HECTD4: variants seen among roughly 807,000 people sequenced by gnomAD.
HECTD4 encodes probable E3 ubiquitin-protein ligase HECTD4.
Under a neutral mutation model 471.5 loss-of-function variants are expected in HECTD4, and 114 were observed. The ratio of observed to expected loss-of-function variants is 0.24; its 90% CI spans 0.21 to 0.28. The LOEUF (loss-of-function observed/expected upper bound fraction) is 0.28. Ranked by LOEUF, HECTD4 falls within the 10% of genes least tolerant of loss-of-function variation. The pLI, the probability that HECTD4 is intolerant of heterozygous loss-of-function variation, is 1.00. For missense variants in HECTD4, 3,866 were observed against 5,651.5 expected (o/e 0.68, Z 10.13); for synonymous variants, 2,012 against 2,256.0 (o/e 0.89, Z 3.07).
chr12:112,233,738 A>G (rs1566081775), intron 37 of HECTD4, among the ~76,000 whole-genome samples: 1 of 152,162 alleles, frequency 6.6e-6, no homozygotes. Context: ...TCTAAACCCC[A>G]AGGAGAGGGA....
intron 1 of HECTD4, among the ~76,000 whole-genome samples, chr12:112,340,143 G>A (rs2036030110): frequency 6.6e-6 from 1 of 152,076 alleles, no homozygotes. Context: ...AAGAACATCT[G>A]TATATGATAT....
intron 34 of HECTD4, 87 bp from the exon 35 acceptor site, chr12:112,237,185 T>C: frequency 1.7e-6 from 2 of 1,188,060 alleles, no homozygotes. Context: ...CCCTGTCCAT[T>C]TATCTTGCTT....
chr12:112,269,310 G>C (rs1405560421), intron 13 of HECTD4, among the ~76,000 whole-genome samples: 2 of 152,044 alleles, frequency 1.3e-5, no homozygotes, highest in South Asian at 4.1e-4. Flanking sequence ...AAGGAAATGC[G>C]AACCTTAAAC....
Position 112,265,381 on chromosome 12 carries a change from C to T in HECTD4, c.2499-86G>A, listed in dbSNP as rs1318598311. ...ATTTTATATAATTAGTATAAGATGA[C>T]AAATAAAAGATACATAATTGATTCT... On this transcript the variant is annotated intron_variant, in intron 15 of 75. Transcript: ENST00000682272. 4.7e-6 allele frequency: 4 copies of T among 844,490 alleles called. No individual in the cohort carries two copies. In the African/African-American group the frequency reaches 5.3e-5, roughly 11 times the overall value. The allele number at this position is 844,490 out of a possible 1,614,324, so 52.3% of individuals were successfully genotyped here. A position where few individuals can be genotyped will look rare whatever the true frequency, so the allele number is the denominator to read the frequency against.
At chr12:112,360,983 T>TAA (rs1339554732) in intron 1 of HECTD4, among the ~76,000 whole-genome samples, 1 of 135,538 alleles carries the variant, frequency 7.4e-6, no homozygotes. Flanking sequence ...AAACTCCGTC[T>TAA]CAAAAAAAAA....
At chr12:112,329,256 C>CT (rs1041037316) in intron 1 of HECTD4, among the ~76,000 whole-genome samples, 2 of 152,030 alleles carry the variant, frequency 1.3e-5, no homozygotes, top group Non-Finnish European at 2.9e-5. Context: ...AACAGTTTCT[C>CT]TGAGTTTTCA....
At chr12:112,301,441 C>CA (rs1172666356) in intron 7 of HECTD4, among the ~76,000 whole-genome samples, 9 of 152,184 alleles carry the variant, frequency 5.9e-5, no homozygotes, top group African/African-American at 2.2e-4. Flanking sequence ...CTCAGCCTCC[C>CA]AAAGTGTTGG....
intron 1 of HECTD4, among the ~76,000 whole-genome samples, chr12:112,367,306 A>AAAAG (rs3031822): frequency 0.021 from 2,750 of 133,848 alleles, 79 homozygotes; most frequent in South Asian, 0.083. Context: ...CTCAAAAAAA[A>AAAAG]AAAGAAAGAA....
chr12:112,262,515 C>CAAAAAAAAAAAAAAAAAAA (rs758273849), intron 17 of HECTD4, among the ~76,000 whole-genome samples: 1 of 19,762 alleles, frequency 5.1e-5, no homozygotes, highest in African/African-American at 1.4e-4. Context: ...GACTCCATCT[C>CAAAAAAAAAAAAAAAAAAA]AAAAAAAAAA....
intron 11 of HECTD4, among the ~76,000 whole-genome samples, chr12:112,272,840 G>A (rs1437635487): frequency 6.6e-6 from 1 of 152,128 alleles, no homozygotes; most frequent in Non-Finnish European, 1.5e-5. Flanking sequence ...GTTTTTCCAC[G>A]CTCTGCTCCC....
intron 64 of HECTD4, among the ~76,000 whole-genome samples, chr12:112,178,115 A>C (rs12423572): frequency 0.081 from 12,336 of 152,158 alleles, 571 homozygotes; most frequent in East Asian, 0.23. Flanking sequence ...TTCTGTCACC[A>C]GTGCAGTGGT....
At position 112,381,402 on chromosome 12, in the gene HECTD4, G is replaced by A. The variant is rs939013400; in HGVS notation, c.177+550C>T. ...ACAAAGGCCCCGTGTCAATCCATCC[G>A]AGACACAACACAGAGAAGTTGCTGG... On this transcript the variant is annotated intron_variant, in intron 1 of 75. Transcript: ENST00000682272. The surrounding 1 kb of genome is among the most constrained non-coding windows in gnomAD (Gnocchi z 4.1). 2.6e-5 allele frequency among the ~76,000 whole-genome samples: 4 copies of A among 152,078 alleles called. No homozygotes were observed. Among genetic ancestry groups the A allele is most frequent in the African/African-American group, 4.8e-5 (2 of 41,404 alleles).
At chr12:112,360,899 G>A (rs565523470) in intron 1 of HECTD4, among the ~76,000 whole-genome samples, 4 of 151,388 alleles carry the variant, frequency 2.6e-5, no homozygotes, top group African/African-American at 9.7e-5. Flanking sequence ...CAGGAGAATC[G>A]CTTGAACCCA....
In HECTD4 at chr12:112,192,678, G is replaced by C; in HGVS notation, c.9174C>G (p.Ile3058Met). ...CGTCCCGCGGGTAACAGGCGGCCTC[G>C]ATGAGGTTCAGCTGGCCATTTCGCT... ...KVKRNGQLNL[I>M]EAACYPRDAS... Residue 3058 changes from isoleucine to methionine, a missense_variant, in exon 59 of 76, where the codon ATC becomes ATG. This residue lies in a region of HECTD4 where 364 missense variants were observed against 413.2 expected (regional missense o/e 0.88). Coordinates refer to ENST00000682272, the MANE Select transcript of HECTD4 (RefSeq NM_001388303.1). The C allele has an allele frequency of 1.9e-6, 3 of 1,604,108 alleles. No individual in the cohort carries two copies. The highest frequency in any genetic ancestry group is 1.1e-5 in the South Asian group (1 of 88,804).
At chr12:112,168,339 A>T (rs1462874828) in intron 70 of HECTD4, among the ~76,000 whole-genome samples, 6 of 152,212 alleles carry the variant, frequency 3.9e-5, no homozygotes, top group Admixed American at 3.9e-4. Context: ...TGTTTCACTC[A>T]GCACTGCCTC....
chr12:112,170,174 G>C, intron 69 of HECTD4, 159 bp downstream of exon 69: 1 of 1,008,732 alleles, frequency 9.9e-7, no homozygotes, highest in East Asian at 2.6e-5. Context: ...GCTCCTGAGG[G>C]GACCTTCCAG....
chr12:112,223,089 G>A (rs1237756946), intron 44 of HECTD4, among the ~76,000 whole-genome samples: 2 of 152,102 alleles, frequency 1.3e-5, no homozygotes, highest in Non-Finnish European at 2.9e-5. Context: ...GTGAATCTTG[G>A]AGCCCTGTTT....
At chr12:112,167,048 C>T (rs2137000588) in intron 72 of HECTD4, 1 of 366,802 alleles carries the variant, frequency 2.7e-6, no homozygotes, top group Admixed American at 4.4e-5. Context: ...GAGCCCTTGC[C>T]CATGGCCAGG....
At chr12:112,305,637 T>C (rs1291627059) in intron 7 of HECTD4, among the ~76,000 whole-genome samples, 1 of 149,820 alleles carries the variant, frequency 6.7e-6, no homozygotes, top group East Asian at 2.0e-4. Context: ...TCCCACCACC[T>C]AGACAGAACA....
Sources: gnomAD v4.1 joint callset for allele counts (sites outside exome capture counted in the v4.1 genomes callset) on GRCh38, gnomAD v4.1.1 for gene constraint, gnomAD v4.1.1 regional missense constraint, Gnocchi (gnomAD v3.1) non-coding constraint, MANE v1.5 for transcripts, NCBI Gene and HGNC (gene_info 2026-07-23, HGNC 2026-07-21) for gene names.